FTO: variants seen among roughly 807,000 people sequenced by gnomAD.
FTO encodes the protein FTO alpha-ketoglutarate dependent dioxygenase.
FTO carries 47 observed loss-of-function variants against 63.9 expected under a neutral mutation model. That is an observed-to-expected ratio of 0.74 (90% CI 0.58 to 0.94). The LOEUF (loss-of-function observed/expected upper bound fraction) is 0.94, where lower values mean the gene tolerates loss of function less well. Ranked by LOEUF, FTO falls within the 40% of genes least tolerant of loss-of-function variation. The pLI is 0.00. For missense variants in FTO, 562 were observed against 618.1 expected, an observed-to-expected ratio of 0.91 and a Z score of 0.96; for synonymous variants, 207 against 224.4, an observed-to-expected ratio of 0.92 and a Z score of 0.69.
At chr16:53,843,319 A>G (rs1456463646) in intron 3 of FTO, among the ~76,000 whole-genome samples, 3 of 152,184 alleles carry the variant, frequency 2.0e-5, no homozygotes, top group Admixed American at 6.5e-5. Context: ...ATTGTCCTCT[A>G]CAGAGAGTGT....
chr16:53,753,708 A>G (rs1482978298), intron 1 of FTO, among the ~76,000 whole-genome samples: 1 of 152,140 alleles, frequency 6.6e-6, no homozygotes, highest in African/African-American at 2.4e-5. Flanking sequence ...ATCTACTACC[A>G]TCATTTAGCT....
chr16:53,945,508 C>G (rs951033786), intron 8 of FTO, among the ~76,000 whole-genome samples: 1 of 152,140 alleles, frequency 6.6e-6, no homozygotes, highest in African/African-American at 2.4e-5. Context: ...ATTTTAGAGA[C>G]CTTCTAGGAT....
At chr16:53,781,873 A>G (rs2077597239) in intron 1 of FTO, among the ~76,000 whole-genome samples, 1 of 152,164 alleles carries the variant, frequency 6.6e-6, no homozygotes, top group Non-Finnish European at 1.5e-5. Context: ...CTGGCACATC[A>G]GGGTTCAGAT....
At chr16:53,974,126 A>C (rs1376892828) in intron 8 of FTO, among the ~76,000 whole-genome samples, 5 of 152,156 alleles carry the variant, frequency 3.3e-5, no homozygotes, top group African/African-American at 1.2e-4. Flanking sequence ...TTTGAGTCTG[A>C]GGATCATTTT....
At chr16:53,890,237 C>T (rs1008278614) in intron 7 of FTO, among the ~76,000 whole-genome samples, 2 of 152,076 alleles carry the variant, frequency 1.3e-5, no homozygotes, top group African/African-American at 4.8e-5. Flanking sequence ...TTGCTAATCC[C>T]TATTTTATTT....
chr16:53,739,062 A>G (rs948308810), intron 1 of FTO, among the ~76,000 whole-genome samples: 3 of 152,124 alleles, frequency 2.0e-5, no homozygotes, highest in African/African-American at 7.2e-5. Context: ...CCTGGGCTCA[A>G]GTGATCCTCC....
chr16:54,049,706 C>T (rs2085269393), intron 8 of FTO, among the ~76,000 whole-genome samples: 1 of 152,104 alleles, frequency 6.6e-6, no homozygotes, highest in South Asian at 2.1e-4. Flanking sequence ...CTGGAGCTGC[C>T]CCTCCTTCCC....
chr16:53,710,309 A>G (rs1483076376), intron 1 of FTO, among the ~76,000 whole-genome samples: 1 of 138,468 alleles, frequency 7.2e-6, no homozygotes, highest in African/African-American at 2.8e-5. Flanking sequence ...TCTGTTGCCC[A>G]GGCTGGAGTG....
chr16:53,872,949 G>C (rs2080542042), intron 4 of FTO, among the ~76,000 whole-genome samples: 1 of 152,108 alleles, frequency 6.6e-6, no homozygotes, highest in Non-Finnish European at 1.5e-5. Flanking sequence ...ATAACAACTT[G>C]GTCATTGGTT....
At chr16:54,055,026 TGGAA>T (rs1267268462) in intron 8 of FTO, among the ~76,000 whole-genome samples, 1 of 152,150 alleles carries the variant, frequency 6.6e-6, no homozygotes, top group Non-Finnish European at 1.5e-5. Flanking sequence ...TGAAAATTCA[TGGAA>T]GGAAGAGATG....
At chr16:53,792,354 A>G (rs1045106405) in intron 1 of FTO, among the ~76,000 whole-genome samples, 16 of 152,322 alleles carry the variant, frequency 1.1e-4, no homozygotes, top group Middle Eastern at 3.4e-3. Context: ...AGCTGTGACT[A>G]TACAGGGGAA....
chr16:54,008,213 C>T (rs567698153), intron 8 of FTO, among the ~76,000 whole-genome samples: 1 of 152,184 alleles, frequency 6.6e-6, no homozygotes, highest in Non-Finnish European at 1.5e-5. Context: ...GGGCCAATCT[C>T]AGTTTCTAAG....
At chr16:53,879,691 T>TAAAA (rs34252518) in intron 5 of FTO, among the ~76,000 whole-genome samples, 153 bp from the exon 6 acceptor site, 5 of 95,108 alleles carry the variant, frequency 5.3e-5, no homozygotes, top group East Asian at 5.8e-4. Context: ...ATCTCAAAAT[T>TAAAA]AAAAAAAAAA....
chr16:54,037,218 G>A (rs916594169), intron 8 of FTO, among the ~76,000 whole-genome samples: 5 of 152,180 alleles, frequency 3.3e-5, no homozygotes, highest in African/African-American at 7.2e-5. Context: ...CACCCCGAGC[G>A]AGCATGGCTG....
chr16:53,883,351 G>A (rs904036806), intron 6 of FTO, among the ~76,000 whole-genome samples: 8 of 152,172 alleles, frequency 5.3e-5, no homozygotes, highest in African/African-American at 1.9e-4. Context: ...GCTGGGTGCG[G>A]TGGCTCACGC....
intron 1 of FTO, among the ~76,000 whole-genome samples, chr16:53,793,726 G>A (rs1368418519): frequency 2.6e-5 from 4 of 151,770 alleles, no homozygotes; most frequent in Non-Finnish European, 4.4e-5. Flanking sequence ...GCGAGACTCC[G>A]TCTCAAAACA....
chr16:53,851,327 C>T (rs990295441), intron 4 of FTO, among the ~76,000 whole-genome samples: 4 of 149,658 alleles, frequency 2.7e-5, no homozygotes, highest in Admixed American at 6.7e-5. Flanking sequence ...GGTGTGGTGG[C>T]GTGCACCTGT....
At chr16:53,871,027 T>A (rs2080478061) in intron 4 of FTO, among the ~76,000 whole-genome samples, 1 of 152,238 alleles carries the variant, frequency 6.6e-6, no homozygotes, top group Admixed American at 6.5e-5. Context: ...AAGTCTGCTG[T>A]CATTCTAATC....
intron 4 of FTO, among the ~76,000 whole-genome samples, chr16:53,865,836 T>C (rs1221928497): frequency 6.6e-6 from 1 of 152,208 alleles, no homozygotes; most frequent in African/African-American, 2.4e-5. Context: ...AATAATATAA[T>C]CTGTGAACAA....
Sources: allele counts gnomAD v4.1 joint callset (sites outside exome capture counted in the v4.1 genomes callset), GRCh38; gene constraint gnomAD v4.1.1; transcripts MANE v1.5; gene names NCBI Gene and HGNC (gene_info 2026-07-23, HGNC 2026-07-21).